The following MAPK6 variants were observed in gnomAD, a reference collection of about 807,000 sequenced individuals.
MAPK6 encodes ERK-3.
Under a neutral mutation model 59.3 loss-of-function variants are expected in MAPK6, and 19 were observed. The observed-to-expected ratio is 0.32, with a 90% CI of 0.22 to 0.47. The LOEUF (loss-of-function observed/expected upper bound fraction) is 0.47, where lower values mean the gene tolerates loss of function less well. MAPK6 is among the 20% of genes least tolerant of loss of function. The pLI is 1.00. For missense variants in MAPK6, 724 were observed against 847.9 expected, an observed-to-expected ratio of 0.85 and a Z score of 1.81; for synonymous variants, 316 against 290.3, an observed-to-expected ratio of 1.09 and a Z score of -0.90.
intron 1 of MAPK6, among the ~76,000 whole-genome samples, chr15:51,976,298 T>C (rs1040587909): frequency 1.4e-5 from 2 of 147,818 alleles, no homozygotes; most frequent in South Asian, 4.2e-4. Context: ...AAGTTAATTA[T>C]AAACTATGTA....
At chr15:52,020,017 T>A (rs1236361141) in intron 1 of MAPK6, 1 of 152,398 alleles carries the variant, frequency 6.6e-6, no homozygotes, top group Non-Finnish European at 1.5e-5. Context: ...AAGTTTTGAG[T>A]CTTGCCATGA....
intron 3 of MAPK6, among the ~76,000 whole-genome samples, chr15:52,050,837 A>C (rs1009384969): frequency 6.6e-6 from 1 of 152,186 alleles, no homozygotes; most frequent in Admixed American, 6.5e-5. Flanking sequence ...TGGTGCATTC[A>C]TGAATCTGAG....
At chr15:52,012,689 T>C (rs2030087228) in intron 3 of MAPK6, among the ~76,000 whole-genome samples, 1 of 151,964 alleles carries the variant, frequency 6.6e-6, no homozygotes, top group South Asian at 2.1e-4. Flanking sequence ...ACTCAAAACA[T>C]TGATAAAAAT....
chr15:52,043,885 C>G (rs930928137), intron 1 of MAPK6, among the ~76,000 whole-genome samples: 5 of 149,138 alleles, frequency 3.4e-5, no homozygotes, highest in Admixed American at 1.4e-4. Flanking sequence ...AAGCGATTAT[C>G]CAGCCTTACC....
In MAPK6 at chr15:51,991,077, G is replaced by A. The variant is rs1319872220; in HGVS notation, c.-770+7762G>A. Among the ~76,000 whole-genome samples the A allele has an allele frequency of 3.3e-5, 5 of 151,532 alleles. No homozygotes were observed. In the South Asian group the frequency reaches 8.3e-4, roughly 25 times the overall value. ...CAGGAAGAGGAGGTTGCTGTGACCCGGCATTGCACCACTGCACTCCAGCCT... is the reference window on the plus strand; with the variant it reads ...CAGGAAGAGGAGGTTGCTGTGACCCAGCATTGCACCACTGCACTCCAGCCT... On this transcript the variant is annotated intron_variant, in intron 2 of 7. Coordinates refer to the MAPK6 transcript ENST00000691380.
intron 1 of MAPK6, chr15:52,027,891 G>A (rs2030867618): frequency 6.6e-6 from 1 of 150,520 alleles, no homozygotes; most frequent in African/African-American, 2.4e-5. Flanking sequence ...TTCTGCCTCA[G>A]CCTCTTGAGT....
chr15:52,065,244 AAAG>A lies in MAPK6; in HGVS notation c.*247_*249del. 7.9e-6 allele frequency: 3 copies of A among 378,232 alleles called. No homozygotes were observed. The highest frequency in any genetic ancestry group is 4.4e-5 in the East Asian group (1 of 22,490). 23.4% of individuals were successfully genotyped at this position (378,232 alleles called of 1,614,324 possible). ...CAAAATAATGCAACGCAGGAGGAGA[AAAG>A]AAATGCACTAAGACAAGAACATTCT... On this transcript the variant is annotated 3_prime_UTR_variant, in exon 6 of 6. Transcript: ENST00000261845.
chr15:52,030,151 G>T (rs1245285988), intron 1 of MAPK6, among the ~76,000 whole-genome samples: 1 of 152,186 alleles, frequency 6.6e-6, no homozygotes, highest in African/African-American at 2.4e-5. Context: ...TGTTAGGAAT[G>T]CCCTTCTCCC....
chr15:51,999,745 G>A (rs2057237027), intron 2 of MAPK6, among the ~76,000 whole-genome samples: 1 of 152,112 alleles, frequency 6.6e-6, no homozygotes, highest in Admixed American at 6.6e-5. Flanking sequence ...CTGGGCTTAA[G>A]CCAGCCTTCC....
intron 3 of MAPK6, among the ~76,000 whole-genome samples, chr15:52,051,318 A>G (rs991840915): frequency 3.9e-5 from 6 of 151,958 alleles, no homozygotes; most frequent in Admixed American, 6.6e-5. Flanking sequence ...CGGCCTCCCA[A>G]AGTACTGGGA....
chr15:52,026,584 G>T (rs977278881), intron 1 of MAPK6, among the ~76,000 whole-genome samples: 1 of 152,032 alleles, frequency 6.6e-6, no homozygotes, highest in African/African-American at 2.4e-5. Flanking sequence ...GAGCCACCGT[G>T]CCTGGCCTTA....
At chr15:52,026,609 G>A (rs1402430519) in intron 1 of MAPK6, among the ~76,000 whole-genome samples, 3 of 151,980 alleles carry the variant, frequency 2.0e-5, no homozygotes, top group Non-Finnish European at 4.4e-5. Context: ...CCCACCTTAT[G>A]CAGTGGGAAG....
intron 2 of MAPK6, among the ~76,000 whole-genome samples, chr15:51,984,980 G>T (rs2057186323): frequency 6.6e-6 from 1 of 152,110 alleles, no homozygotes; most frequent in Non-Finnish European, 1.5e-5. Flanking sequence ...TCAACAAGAA[G>T]AATAAAAATA....
intron 3 of MAPK6, among the ~76,000 whole-genome samples, chr15:52,013,744 G>GGACGTGGGAGTATTGTTACCAGAA (rs2030156031): frequency 6.6e-6 from 1 of 152,128 alleles, no homozygotes; most frequent in African/African-American, 2.4e-5. Flanking sequence ...GCTCCTTAGA[G>GGACGTGGGAGTATTGTTACCAGAA]GACGTGGGAG....
chr15:52,047,088 C>A, intron 2 of MAPK6, 73 bp downstream of exon 2: 1 of 1,127,524 alleles, frequency 8.9e-7, no homozygotes. Flanking sequence ...CTTATATTTT[C>A]TTTGTATATT....
At chr15:52,055,879 GAATA>G (rs1399453875) in intron 3 of MAPK6, among the ~76,000 whole-genome samples, 1 of 152,162 alleles carries the variant, frequency 6.6e-6, no homozygotes, top group Non-Finnish European at 1.5e-5. Context: ...TTAAATATAG[GAATA>G]AAAATAATTG....
At chr15:52,010,052 T>G (rs2030009823) in intron 3 of MAPK6, among the ~76,000 whole-genome samples, 1 of 152,042 alleles carries the variant, frequency 6.6e-6, no homozygotes, top group Non-Finnish European at 1.5e-5. Context: ...ATTACAGGCG[T>G]GAGTCACCGT....
intron 2 of MAPK6, among the ~76,000 whole-genome samples, chr15:51,991,073 A>T (rs967444735): frequency 6.6e-6 from 1 of 151,734 alleles, no homozygotes; most frequent in African/African-American, 2.4e-5. Context: ...GGTTGCTGTG[A>T]CCCGGCATTG....
rs1486229979 is a variant in MAPK6, at chr15:52,058,757, C to G, written c.825C>G (p.His275Gln). The change falls in exon 4 of 6, where the codon CAC becomes CAG. Residue 275 changes from histidine to glutamine, a missense_variant. This residue lies in a region of MAPK6 where 105 missense variants were observed against 191.9 expected (regional missense o/e 0.55). Coordinates refer to ENST00000261845, the MANE Select transcript of MAPK6 (RefSeq NM_002748.4). Reference protein sequence around the residue: ...VYIRNDMTEPHKPLTQLLPGI... With the variant: ...VYIRNDMTEPQKPLTQLLPGI... ...TTAGAAATGACATGACTGAGCCACA[C>G]AAACCTTTAACTCAGCTGCTTCCAG... 1.2e-6 allele frequency: 2 copies of G among 1,613,076 alleles called. No homozygotes were observed. The highest frequency in any genetic ancestry group is 1.7e-6 in the Non-Finnish European group (2 of 1,179,586).
Sources: gnomAD v4.1 joint callset for allele counts (sites outside exome capture counted in the v4.1 genomes callset) on GRCh38, gnomAD v4.1.1 for gene constraint, gnomAD v4.1.1 regional missense constraint, MANE v1.5 for transcripts, NCBI Gene and HGNC (gene_info 2026-07-23, HGNC 2026-07-21) for gene names.